ZFHX3: variants seen among roughly 807,000 people sequenced by gnomAD.
ZFHX3 encodes the protein zinc finger homeobox 3.
In ZFHX3, 42 loss-of-function variants were observed where a neutral mutation model predicts 279.1. That is an observed-to-expected ratio of 0.15 (90% CI 0.12 to 0.19). ZFHX3 has a LOEUF of 0.19. Ranked by LOEUF, ZFHX3 falls within the 10% of genes least tolerant of loss-of-function variation. ZFHX3 has a pLI of 1.00. For missense variants in ZFHX3, 4,981 were observed against 4,754.0 expected (o/e 1.05, Z -1.40); for synonymous variants, 2,293 against 1,957.8 (o/e 1.17, Z -4.52).
At chr16:73,028,925 C>G (rs1487821066) in intron 1 of ZFHX3, among the ~76,000 whole-genome samples, 1 of 152,232 alleles carries the variant, frequency 6.6e-6, no homozygotes, top group Non-Finnish European at 1.5e-5. Flanking sequence ...TCAGCCTCGA[C>G]AGGTGTGAAC....
chr16:73,002,610 C>T (rs138291057), intron 1 of ZFHX3, among the ~76,000 whole-genome samples: 4 of 152,300 alleles, frequency 2.6e-5, no homozygotes, highest in African/African-American at 9.6e-5. Flanking sequence ...ATTCCACAAG[C>T]TTGCAGATCA....
chr16:73,258,491 AG>A (rs2013724758), intron 4 of ZFHX3, among the ~76,000 whole-genome samples: 2 of 151,886 alleles, frequency 1.3e-5, no homozygotes, highest in South Asian at 4.2e-4. Context: ...CTGGGACTAC[AG>A]GCGCCCACCA....
At chr16:73,413,051 G>A (rs938396369) in intron 3 of ZFHX3, among the ~76,000 whole-genome samples, 1 of 152,210 alleles carries the variant, frequency 6.6e-6, no homozygotes, top group Non-Finnish European at 1.5e-5. Context: ...AATACAGTGT[G>A]CGTGTTGGGC....
At chr16:73,726,761 T>C (rs1270602226) in intron 1 of ZFHX3, among the ~76,000 whole-genome samples, 3 of 152,144 alleles carry the variant, frequency 2.0e-5, no homozygotes, top group Non-Finnish European at 4.4e-5. Context: ...AATCACCCAC[T>C]ATCATGAGAA....
chr16:73,872,071 G>T (rs969736067), intron 1 of ZFHX3, among the ~76,000 whole-genome samples: 1 of 152,166 alleles, frequency 6.6e-6, no homozygotes, highest in Non-Finnish European at 1.5e-5. Context: ...AATTGTAAGT[G>T]AATGATTGGA....
At chr16:73,871,358 T>C (rs994165250) in intron 1 of ZFHX3, among the ~76,000 whole-genome samples, 1 of 152,216 alleles carries the variant, frequency 6.6e-6, no homozygotes, top group African/African-American at 2.4e-5. Context: ...AAAACTTTAA[T>C]AACGCAGCCT....
intron 1 of ZFHX3, among the ~76,000 whole-genome samples, chr16:73,699,906 T>C (rs1255711243): frequency 6.6e-6 from 1 of 152,100 alleles, no homozygotes; most frequent in East Asian, 1.9e-4. Flanking sequence ...AAGGATATTG[T>C]TACATGGCAT....
chr16:73,735,392 A>G (rs563472651), intron 1 of ZFHX3, among the ~76,000 whole-genome samples: 1 of 151,612 alleles, frequency 6.6e-6, no homozygotes, highest in African/African-American at 2.4e-5. Context: ...TAAAAAAAAA[A>G]AAAAAAAAAA....
At chr16:73,792,446 T>G (rs1959854260) in intron 1 of ZFHX3, among the ~76,000 whole-genome samples, 1 of 152,034 alleles carries the variant, frequency 6.6e-6, no homozygotes, top group African/African-American at 2.4e-5. Context: ...ATCACAGAAA[T>G]AATGTGAGAT....
intron 5 of ZFHX3, among the ~76,000 whole-genome samples, chr16:73,234,121 G>A (rs1377004417): frequency 6.6e-6 from 1 of 152,172 alleles, no homozygotes; most frequent in African/African-American, 2.4e-5. Flanking sequence ...GTCTCTCCGA[G>A]AGGGAGGGAA....
intron 3 of ZFHX3, among the ~76,000 whole-genome samples, chr16:73,329,584 T>C (rs1336120626): frequency 6.6e-6 from 1 of 152,206 alleles, no homozygotes; most frequent in African/African-American, 2.4e-5. Context: ...TGCTCCAGCA[T>C]CTACAAGCAC....
chr16:72,848,195 T>C (rs1397634692), intron 4 of ZFHX3, among the ~76,000 whole-genome samples: 1 of 152,062 alleles, frequency 6.6e-6, no homozygotes, highest in Non-Finnish European at 1.5e-5. Context: ...TGGCACTAAT[T>C]GCTCTTGGGG....
intron 7 of ZFHX3, among the ~76,000 whole-genome samples, chr16:73,114,072 C>A (rs9930607): frequency 0.6 from 91,072 of 151,378 alleles, 27,486 homozygotes; most frequent in Middle Eastern, 0.68. Context: ...CTGGGATTAC[C>A]GACGTGAGCT....
intron 1 of ZFHX3, among the ~76,000 whole-genome samples, chr16:73,719,139 T>C (rs2053448575): frequency 6.6e-6 from 1 of 152,224 alleles, no homozygotes; most frequent in Non-Finnish European, 1.5e-5. Context: ...CACTTTGAAC[T>C]TTCACTTTCT....
At chr16:72,948,238 C>A (rs1478447393) in intron 3 of ZFHX3, among the ~76,000 whole-genome samples, 2 of 152,194 alleles carry the variant, frequency 1.3e-5, no homozygotes, top group Non-Finnish European at 2.9e-5. Context: ...CTGCCCTGAA[C>A]CTCAGGCTGG....
intron 5 of ZFHX3, among the ~76,000 whole-genome samples, chr16:73,216,203 C>G (rs910721288): frequency 2.0e-5 from 3 of 152,228 alleles, no homozygotes; most frequent in African/African-American, 7.2e-5. Context: ...CAGTCGCTGA[C>G]AGATACACTT....
intron 1 of ZFHX3, among the ~76,000 whole-genome samples, chr16:73,718,726 C>A (rs2053443037): frequency 6.6e-6 from 1 of 151,802 alleles, no homozygotes. Flanking sequence ...AGCGATTCTT[C>A]TGCCTTAGCC....
chr16:73,405,853 T>G (rs987027282), intron 3 of ZFHX3, among the ~76,000 whole-genome samples: 1 of 152,258 alleles, frequency 6.6e-6, no homozygotes, highest in Non-Finnish European at 1.5e-5. Flanking sequence ...GTAAGATTTA[T>G]GTTCATTTGG....
chr16:72,944,541 CACA>C (rs1960568667), intron 3 of ZFHX3, among the ~76,000 whole-genome samples: 1 of 151,880 alleles, frequency 6.6e-6, no homozygotes, highest in African/African-American at 2.4e-5. Context: ...TCAGGTATTA[CACA>C]ACGTCATTCC....
Sources: allele counts gnomAD v4.1 joint callset (sites outside exome capture counted in the v4.1 genomes callset), GRCh38; gene constraint gnomAD v4.1.1; transcripts MANE v1.5; gene names NCBI Gene and HGNC (gene_info 2026-07-23, HGNC 2026-07-21).